The following QTMAN variants were observed in gnomAD, a reference collection of about 807,000 sequenced individuals.
The protein encoded by QTMAN is tRNA-queuosine alpha-mannosyltransferase.
the QTMAN span, among the ~76,000 whole-genome samples, chr2:144,036,304 A>G: frequency 6.6e-6 from 1 of 152,238 alleles, no homozygotes; most frequent in Admixed American, 6.5e-5. Context: ...CCAAAGGAAA[A>G]GCCTTGGCTG....
the QTMAN span, among the ~76,000 whole-genome samples, chr2:144,043,376 C>T: frequency 6.6e-6 from 1 of 152,096 alleles, no homozygotes; most frequent in Admixed American, 6.5e-5. Flanking sequence ...TGGCTCACGC[C>T]TGTAATCCCA....
At chr2:144,133,128 TATATATATATATATATATATA>T in the QTMAN span, among the ~76,000 whole-genome samples, 1 of 44,904 alleles carries the variant, frequency 2.2e-5, no homozygotes, top group East Asian at 5.3e-4. Context: ...TATATATATA[TATATATATATATATATATATA>T]TAATATAATA....
the QTMAN span, among the ~76,000 whole-genome samples, chr2:144,240,209 C>CA: frequency 6.6e-6 from 1 of 152,152 alleles, no homozygotes; most frequent in South Asian, 2.1e-4. Flanking sequence ...GAAGAATTAA[C>CA]AGTCTGTAGG....
the QTMAN span, among the ~76,000 whole-genome samples, chr2:144,239,190 A>T: frequency 6.6e-6 from 1 of 152,148 alleles, no homozygotes; most frequent in South Asian, 2.1e-4. Context: ...AGAAAAAAAA[A>T]AGAAAAGTGG....
chr2:144,282,793 C>A, the QTMAN span, among the ~76,000 whole-genome samples: 1 of 152,002 alleles, frequency 6.6e-6, no homozygotes, highest in Non-Finnish European at 1.5e-5. Flanking sequence ...AAGACCAAGC[C>A]GTGATTAGAA....
chr2:144,252,793 T>C, the QTMAN span, among the ~76,000 whole-genome samples: 1 of 152,186 alleles, frequency 6.6e-6, no homozygotes, highest in Non-Finnish European at 1.5e-5. Flanking sequence ...AAAACCTGCA[T>C]GCAAATGTTT....
At chr2:144,133,247 A>ATATATATAAATATATATT in the QTMAN span, among the ~76,000 whole-genome samples, 1 of 52,596 alleles carries the variant, frequency 1.9e-5, no homozygotes, top group African/African-American at 1.5e-4. Context: ...TTATATATAA[A>ATATATATAAATATATATT]TATATATAAA....
chr2:144,226,735 G>A, the QTMAN span, among the ~76,000 whole-genome samples: 1 of 152,018 alleles, frequency 6.6e-6, no homozygotes, highest in Non-Finnish European at 1.5e-5. Context: ...ATTAAAATAG[G>A]GTTATATAGG....
At chr2:144,097,629 T>A in the QTMAN span, among the ~76,000 whole-genome samples, 23 of 152,298 alleles carry the variant, frequency 1.5e-4, no homozygotes, top group African/African-American at 5.5e-4. Flanking sequence ...TGCAATAATA[T>A]AGGTGCTGAA....
chr2:144,050,429 A>C, the QTMAN span, among the ~76,000 whole-genome samples: 1 of 152,198 alleles, frequency 6.6e-6, no homozygotes, highest in African/African-American at 2.4e-5. Context: ...GTTTCCAACT[A>C]CTAAATGAGG....
At chr2:144,194,356 G>A in the QTMAN span, among the ~76,000 whole-genome samples, 1 of 152,144 alleles carries the variant, frequency 6.6e-6, no homozygotes, top group Non-Finnish European at 1.5e-5. Context: ...GGCTGAATTG[G>A]GCTTGCATTT....
the QTMAN span, among the ~76,000 whole-genome samples, chr2:144,035,306 G>A: frequency 1.3e-5 from 2 of 152,226 alleles, no homozygotes; most frequent in Admixed American, 1.3e-4. Context: ...ATGAGCCAAT[G>A]AAACCTCTTT....
the QTMAN span, among the ~76,000 whole-genome samples, chr2:144,106,697 C>T: frequency 9.2e-5 from 14 of 152,234 alleles, no homozygotes; most frequent in Admixed American, 2.6e-4. Flanking sequence ...GACAGATCAA[C>T]GAGACAGAAA....
chr2:143,979,633 C>T, the QTMAN span, among the ~76,000 whole-genome samples: 1 of 152,116 alleles, frequency 6.6e-6, no homozygotes, highest in Non-Finnish European at 1.5e-5. Flanking sequence ...CAATACCTTC[C>T]TCATTTTATA....
At chr2:144,218,107 G>A in the QTMAN span, among the ~76,000 whole-genome samples, 2 of 152,152 alleles carry the variant, frequency 1.3e-5, no homozygotes, top group African/African-American at 4.8e-5. Context: ...CAATGGCCGT[G>A]ACGATTTCTT....
chr2:144,002,751 C>T, the QTMAN span, among the ~76,000 whole-genome samples: 1 of 151,902 alleles, frequency 6.6e-6, no homozygotes, highest in Non-Finnish European at 1.5e-5. Context: ...TATGTGGTTT[C>T]ATATTCCACA....
the QTMAN span, among the ~76,000 whole-genome samples, chr2:144,129,713 T>G: frequency 2.0e-5 from 3 of 152,050 alleles, no homozygotes; most frequent in Non-Finnish European, 4.4e-5. Flanking sequence ...GAATATCATT[T>G]GTGCAGCTAG....
At chr2:144,127,702 A>G in the QTMAN span, among the ~76,000 whole-genome samples, 1 of 151,998 alleles carries the variant, frequency 6.6e-6, no homozygotes, top group Non-Finnish European at 1.5e-5. Flanking sequence ...TATATTCCAC[A>G]CTTTACCTAT....
chr2:144,012,036 C>G, the QTMAN span, among the ~76,000 whole-genome samples: 1 of 152,048 alleles, frequency 6.6e-6, no homozygotes. Context: ...ATTCGGATTG[C>G]CATAATCATT....
Sources: allele counts gnomAD v4.1 joint callset (sites outside exome capture counted in the v4.1 genomes callset), GRCh38; gene constraint gnomAD v4.1.1; transcripts MANE v1.5; gene names NCBI Gene and HGNC (gene_info 2026-07-23, HGNC 2026-07-21).